The following GRID1 variants were observed in gnomAD, a reference collection of about 807,000 sequenced individuals.
The protein encoded by GRID1 is glutamate ionotropic receptor delta type subunit 1.
In GRID1, 28 loss-of-function variants were observed where a neutral mutation model predicts 98.0. The observed-to-expected ratio is 0.29, with a 90% confidence interval of 0.21 to 0.39. The LOEUF is 0.39. Among genes scored for constraint, GRID1 ranks in the 10% least tolerant of loss-of-function variants. The probability of loss-of-function intolerance (pLI) is 1.00; values close to 1 mark genes in which losing one functional copy is unlikely to be tolerated. For missense variants in GRID1, 1,111 were observed against 1,340.5 expected (o/e 0.83, Z 2.67); for synonymous variants, 553 against 538.5 (o/e 1.03, Z -0.37).
chr10:86,305,619 C>T (rs775798459), intron 2 of GRID1, among the ~76,000 whole-genome samples: 8 of 152,136 alleles, frequency 5.3e-5, no homozygotes, highest in Admixed American at 1.3e-4. Flanking sequence ...AGACATTTCT[C>T]GGTTTGCCCC....
Position 86,240,588 on chromosome 10 carries a change from G to A in GRID1, c.236-33940C>T, listed in dbSNP as rs116972741. ...AGGGGCCCACCTCTTGGGTGGGTGC[G>A]GCGGGGGCGGGGGTGGGCAGGGCAG... On this transcript the variant is annotated intron_variant, in intron 2 of 15. Transcript: ENST00000327946. Among the ~76,000 whole-genome samples the A allele has an allele frequency of 6.9e-3, 1,054 of 152,048 alleles. 3 individuals carry two copies. The highest frequency in any genetic ancestry group is 0.012 in the Non-Finnish European group (814 of 67,916).
At chr10:86,328,439 A>G (rs1203264224) in intron 2 of GRID1, among the ~76,000 whole-genome samples, 1 of 152,254 alleles carries the variant, frequency 6.6e-6, no homozygotes, top group African/African-American at 2.4e-5. Flanking sequence ...AGTGAATGGT[A>G]TGCGCTCAGC....
At chr10:85,985,445 G>A (rs1272600688) in intron 4 of GRID1, among the ~76,000 whole-genome samples, 1 of 152,036 alleles carries the variant, frequency 6.6e-6, no homozygotes, top group Non-Finnish European at 1.5e-5. Flanking sequence ...CGATAAATTA[G>A]GAGCAGCCCC....
chr10:85,820,530 G>A (rs189802570), intron 8 of GRID1, among the ~76,000 whole-genome samples: 15 of 152,172 alleles, frequency 9.9e-5, no homozygotes, highest in Admixed American at 7.9e-4. Context: ...TGCAACCTCA[G>A]GAATAAATGG....
chr10:85,886,063 G>C (rs754894327), intron 5 of GRID1, among the ~76,000 whole-genome samples: 7 of 150,462 alleles, frequency 4.7e-5, no homozygotes, highest in Non-Finnish European at 8.8e-5. Context: ...CCCAGACCCA[G>C]AGCTGTGTCC....
intron 6 of GRID1, among the ~76,000 whole-genome samples, chr10:85,864,103 G>A (rs1843192124): frequency 6.6e-6 from 1 of 152,234 alleles, no homozygotes; most frequent in Non-Finnish European, 1.5e-5. Flanking sequence ...CATCACAGAG[G>A]CAAACAGTAG....
chr10:86,333,107 CA>C (rs1848171850), intron 2 of GRID1, among the ~76,000 whole-genome samples: 1 of 152,178 alleles, frequency 6.6e-6, no homozygotes, highest in South Asian at 2.1e-4. Flanking sequence ...CATCTTCTAC[CA>C]AATCTCCCAT....
intron 2 of GRID1, among the ~76,000 whole-genome samples, chr10:86,245,847 A>C (rs547995553): frequency 6.6e-6 from 1 of 152,258 alleles, no homozygotes; most frequent in Non-Finnish European, 1.5e-5. Context: ...AGGTCAGCAG[A>C]AGAAGAAGGC....
chr10:85,773,143 T>A (rs532600008), intron 8 of GRID1, among the ~76,000 whole-genome samples: 1 of 152,322 alleles, frequency 6.6e-6, no homozygotes, highest in South Asian at 2.1e-4. Context: ...GTGGGCTTCA[T>A]CCCTGGGATG....
intron 12 of GRID1, among the ~76,000 whole-genome samples, chr10:85,697,543 T>G (rs1841407410): frequency 1.3e-5 from 2 of 152,218 alleles, no homozygotes; most frequent in Admixed American, 1.3e-4. Flanking sequence ...TCCCATTTTA[T>G]AGTTATTAAT....
intron 3 of GRID1, among the ~76,000 whole-genome samples, chr10:86,152,495 GC>G: frequency 6.6e-6 from 1 of 152,368 alleles, no homozygotes; most frequent in Admixed American, 6.5e-5. Flanking sequence ...GCGCCCGAGA[GC>G]CCCCATAGCT....
At position 85,980,026 on chromosome 10, in the gene GRID1, C is replaced by T. The variant is rs191792816; in HGVS notation, c.727-63787G>A. Among the ~76,000 whole-genome samples, 147 of 152,356 alleles carry T rather than the reference C, an allele frequency of 9.6e-4. 1 individual carries two copies. The highest frequency in any genetic ancestry group is 6.3e-3 in the Admixed American group (96 of 15,308). ...GTCACTGCTTAGAAGCCTTCAATGA[C>T]GGTTCATTAGTCTCAGGGGAGAGAG... On this transcript the variant is annotated intron_variant, in intron 4 of 15. Transcript: ENST00000327946.
chr10:85,923,847 A>G (rs1477068249), intron 4 of GRID1, among the ~76,000 whole-genome samples: 1 of 152,198 alleles, frequency 6.6e-6, no homozygotes, highest in Non-Finnish European at 1.5e-5. Context: ...GATAGTGGTG[A>G]CTGGATAGTG....
intron 8 of GRID1, among the ~76,000 whole-genome samples, chr10:85,777,300 T>C (rs2132721702): frequency 6.6e-6 from 1 of 152,324 alleles, no homozygotes; most frequent in Middle Eastern, 3.4e-3. Context: ...GCCTGTAATA[T>C]TTCCAGAAGA....
intron 3 of GRID1, among the ~76,000 whole-genome samples, chr10:86,163,881 C>T (rs1223401528): frequency 6.6e-6 from 1 of 152,180 alleles, no homozygotes; most frequent in East Asian, 1.9e-4. Flanking sequence ...AAGAGTGGCC[C>T]AGCACCCCCC....
chr10:85,752,411 G>A (rs1037017312), intron 8 of GRID1, among the ~76,000 whole-genome samples: 8 of 152,006 alleles, frequency 5.3e-5, no homozygotes, highest in African/African-American at 2.4e-5. Context: ...ACCAATATAC[G>A]ACTGCTTATT....
chr10:85,950,167 ACAGTGG>A (rs1408876786), intron 4 of GRID1, among the ~76,000 whole-genome samples: 7 of 152,230 alleles, frequency 4.6e-5, no homozygotes, highest in Admixed American at 2.0e-4. Flanking sequence ...CAGACAAAAC[ACAGTGG>A]CAATGGGAGG....
chr10:86,060,745 C>G (rs1268298715), intron 4 of GRID1, among the ~76,000 whole-genome samples: 1 of 152,144 alleles, frequency 6.6e-6, no homozygotes, highest in Admixed American at 6.5e-5. Flanking sequence ...CCAGAGGACA[C>G]GGCACCTAGT....
chr10:86,315,977 C>T (rs1474774739), intron 2 of GRID1, among the ~76,000 whole-genome samples: 1 of 152,080 alleles, frequency 6.6e-6, no homozygotes, highest in Non-Finnish European at 1.5e-5. Flanking sequence ...GTCAACCCAT[C>T]CACTCATCCA....
Sources: gnomAD v4.1 joint callset for allele counts (sites outside exome capture counted in the v4.1 genomes callset) on GRCh38, gnomAD v4.1.1 for gene constraint, MANE v1.5 for transcripts, NCBI Gene and HGNC (gene_info 2026-07-23, HGNC 2026-07-21) for gene names.